The following AP4M1 variants were observed in gnomAD, a reference collection of about 807,000 sequenced individuals.
AP4M1 encodes the protein adaptor related protein complex 4 subunit mu 1.
A neutral mutation model predicts 62.4 loss-of-function variants in AP4M1; 58 were observed. The ratio of observed to expected loss-of-function variants is 0.93; its 90% CI spans 0.75 to 1.16. The LOEUF (loss-of-function observed/expected upper bound fraction) is 1.16, where lower values mean the gene tolerates loss of function less well. AP4M1 is among the 50% of genes most tolerant of loss of function. The pLI is 0.00. For missense variants in AP4M1, 626 were observed against 585.4 expected (o/e 1.07, Z -0.72); for synonymous variants, 290 against 239.7 (o/e 1.21, Z -1.94).
At position 100,101,923 on chromosome 7, in the gene AP4M1, C is replaced by G. The variant is rs776045217; in HGVS notation, c.102C>G (p.Tyr34Ter). Residue 34 changes from tyrosine to a stop codon, truncating the protein, a stop_gained, in exon 2 of 15, where the codon TAC becomes TAG. Coordinates refer to ENST00000359593, the MANE Select transcript of AP4M1 (RefSeq NM_004722.4). LOFTEE classifies it high-confidence loss of function. ...SGGRDVAELF[Y>*]RKLTGLPGDE... ...GCCGGGATGTGGCCGAGCTCTTCTACCGGAAGCTGACGGGACTGCCAGGAG... is the reference window on the plus strand; with the variant it reads ...GCCGGGATGTGGCCGAGCTCTTCTAGCGGAAGCTGACGGGACTGCCAGGAG... 6.2e-7 allele frequency: 1 copy of G among 1,613,122 alleles called. No individual in the cohort carries two copies. The highest frequency in any genetic ancestry group is 8.5e-7 in the Non-Finnish European group (1 of 1,179,968).
intron 13 of AP4M1, 55 bp downstream of exon 13, chr7:100,106,346 T>A (rs1286437989): frequency 1.2e-6 from 2 of 1,612,860 alleles, no homozygotes; most frequent in African/African-American, 2.7e-5. Context: ...GAGCTCAGCA[T>A]GACGGGTCTG....
At chr7:100,105,125 C>T (rs1245019147) in intron 9 of AP4M1, 27 bp downstream of exon 9, 28 of 1,613,836 alleles carry the variant, frequency 1.7e-5, no homozygotes, top group Non-Finnish European at 2.4e-5. Flanking sequence ...TCTTTCTCCC[C>T]TTGGAGTAGG....
chr7:100,106,046 G>T (rs79617997), intron 12 of AP4M1, 43 bp downstream of exon 12: 1 of 1,609,028 alleles, frequency 6.2e-7, no homozygotes, highest in African/African-American at 1.3e-5. Context: ...TCTATGGGAC[G>T]GAAGACAGGG....
In AP4M1 at chr7:100,101,744, C is replaced by T. The variant is rs539589967; in HGVS notation, c.30C>T (p.Ser10=). MISQFFILS[S]KGDPLIYKDF... The stretch of plus-strand genomic sequence containing the variant: ...TTTCCCAATTCTTCATTCTGTCCTC[C>T]AAGGGGGACCCGCTCATCTACAAAG... Residue 10 remains serine (S), a synonymous_variant, in exon 1 of 15, where the codon TCC becomes TCT. Coordinates refer to ENST00000359593, the MANE Select transcript of AP4M1 (RefSeq NM_004722.4). 3.1e-6 allele frequency: 5 copies of T among 1,613,658 alleles called. No individual in the cohort carries two copies. Among genetic ancestry groups the T allele is most frequent in the African/African-American group, 2.7e-5 (2 of 74,930 alleles).
rs760960599 is a variant in AP4M1 at position 100,107,943 on chromosome 7, C to G, written c.*1061C>G. 1 of 1,611,160 alleles carries G rather than the reference C, an allele frequency of 6.2e-7. No individual in the cohort carries two copies. Among genetic ancestry groups the G allele is most frequent in the African/African-American group, 1.3e-5 (1 of 74,860 alleles). ...CTGCATACCTGCTGGGTGGATGGGG[C>G]GCTGGAGGACGATGACATTACAATA... is the stretch of plus-strand genomic sequence containing the variant. On this transcript the variant is annotated 3_prime_UTR_variant, in exon 15 of 15. Transcript: ENST00000359593.
At chr7:100,105,383 A>C in intron 10 of AP4M1, 37 bp downstream of exon 10, 1 of 1,612,362 alleles carries the variant, frequency 6.2e-7, no homozygotes, top group Non-Finnish European at 8.5e-7. Context: ...TCCGTCCACC[A>C]TGGGGAAGGG....
chr7:100,105,038 C>T lies in AP4M1; in HGVS notation c.674-7C>T. On this transcript the variant is annotated splice_polypyrimidine_tract_variant and splice_region_variant and intron_variant, in intron 8 of 14. Coordinates refer to ENST00000359593, the MANE Select transcript of AP4M1 (RefSeq NM_004722.4). ...CTGAGCTCTCCTGATGGTCTCTCCTCCGACAGAGATGCGCATTGGCTTGAC... is the reference window on the plus strand; with the variant it reads ...CTGAGCTCTCCTGATGGTCTCTCCTTCGACAGAGATGCGCATTGGCTTGAC... 1 of 1,614,104 alleles carries T rather than the reference C, an allele frequency of 6.2e-7. No homozygotes were observed. The highest frequency in any genetic ancestry group is 8.5e-7 in the Non-Finnish European group (1 of 1,180,028).
intron 14 of AP4M1, 29 bp downstream of exon 14, chr7:100,106,543 C>T (rs1332195598): frequency 1.9e-6 from 3 of 1,603,534 alleles, no homozygotes; most frequent in Admixed American, 1.7e-5. Flanking sequence ...CAGCCCCTCT[C>T]CTCCCACATT....
rs551239733 is a variant in AP4M1, at chr7:100,106,861, C to A, written c.1341C>A (p.Asp447Glu). ...GGGTGCGACACCTAAGCCACAGCGACGCCTATGTCATTCGGATCTGAGGCT... is the reference window on the plus strand; with the variant it reads ...GGGTGCGACACCTAAGCCACAGCGAAGCCTATGTCATTCGGATCTGAGGCT... ...HKWVRHLSHS[D>E]AYVIRI The change falls in exon 15 of 15, where the codon GAC becomes GAA. Residue 447 changes from aspartate (D) to glutamate (E), a missense_variant. Coordinates refer to ENST00000359593, the MANE Select transcript of AP4M1 (RefSeq NM_004722.4). 1.2e-6 allele frequency: 2 copies of A among 1,613,562 alleles called. No homozygotes were observed. Among genetic ancestry groups the A allele is most frequent in the Non-Finnish European group, 1.7e-6 (2 of 1,180,038 alleles).
intron 14 of AP4M1, 50 bp from the exon 15 acceptor site, chr7:100,106,608 C>T (rs748687900): frequency 9.4e-6 from 15 of 1,589,746 alleles, no homozygotes; most frequent in East Asian, 6.7e-5. Context: ...GTTCCCCCAG[C>T]GTGGTCAGCT....
At position 100,104,157 on chromosome 7, in the gene AP4M1, AAG is replaced by A. The variant is rs1190072127; in HGVS notation, c.606+4_606+5del. 6.2e-7 allele frequency: 1 copy of A among 1,613,568 alleles called. No individual in the cohort carries two copies. Among genetic ancestry groups the A allele is most frequent in the East Asian group, 2.2e-5 (1 of 44,882 alleles). The stretch of plus-strand genomic sequence containing the variant: ...TGTCTGTACTGATAGCATCTAATGT[AAG>A]TTTGAGCTCCCAAACCTGGAGCTGA... On this transcript the variant is annotated splice_donor_5th_base_variant and intron_variant, in intron 7 of 14. Coordinates refer to ENST00000359593, the MANE Select transcript of AP4M1 (RefSeq NM_004722.4).
Position 100,105,989 on chromosome 7 carries a change from C to T in AP4M1, c.960C>T (p.Asp320=), listed in dbSNP as rs371162812. The T allele has an allele frequency of 1.5e-4, 244 of 1,614,126 alleles. 1 individual carries two copies. In the East Asian group the frequency reaches 4.4e-3, roughly 29 times the overall value. The change falls in exon 12 of 15, where the codon GAC becomes GAT. Residue 320 remains aspartate (D), a synonymous_variant. Transcript: ENST00000359593. ...AGGTTTATCTAAAGTTGCGATGTGACCTGCTCTCAAAGAGGTAAGAGTGAG... is the reference window on the plus strand; with the variant it reads ...AGGTTTATCTAAAGTTGCGATGTGATCTGCTCTCAAAGAGGTAAGAGTGAG... ...RLQVYLKLRC[D]LLSKSQALNV... is the part of the protein sequence containing the mutation.
Position 100,108,195 on chromosome 7 carries a change from G to C in AP4M1, c.*1313G>C. On this transcript the variant is annotated 3_prime_UTR_variant, in exon 15 of 15. Coordinates refer to ENST00000359593, the MANE Select transcript of AP4M1 (RefSeq NM_004722.4). ...GAGGAGTCTGAAGGGAGAGGCCTGG[G>C]CTCCCCTCGCTCTTCCTCAGTGGCT... 6.7e-7 allele frequency: 1 copy of C among 1,483,402 alleles called. No homozygotes were observed. The highest frequency in any genetic ancestry group is 1.4e-5 in the African/African-American group (1 of 72,480). The allele number at this position is 1,483,402 out of a possible 1,614,324, so 91.9% of individuals were successfully genotyped here.
In AP4M1 at chr7:100,107,185, T is replaced by C; in HGVS notation, c.*303T>C. ...CTTCCGCTTAGCGAGCATGCATGTG[T>C]GTACGTGCACGTGTGTACATGTCTG... On this transcript the variant is annotated 3_prime_UTR_variant, in exon 15 of 15. Coordinates refer to ENST00000359593, the MANE Select transcript of AP4M1 (RefSeq NM_004722.4). The C allele has an allele frequency of 6.6e-7, 1 of 1,518,932 alleles. No individual in the cohort carries two copies. The highest frequency in any genetic ancestry group is 2.2e-5 in the Admixed American group (1 of 45,386). 94.1% of individuals were successfully genotyped at this position (1,518,932 alleles called of 1,614,324 possible). A position where few individuals can be genotyped will look rare whatever the true frequency, so the allele number is the denominator to read the frequency against.
At chr7:100,100,858 C>T, upstream of AP4M1, 1 of 1,030,500 alleles carries the variant, frequency 9.7e-7, no homozygotes, top group African/African-American at 1.7e-5. Flanking sequence ...GCCTGCCCGC[C>T]CCCGGGGCCT....
In AP4M1 at chr7:100,104,108, T is replaced by G; in HGVS notation, c.560T>G (p.Val187Gly). ...CTTTCTCAGAGCCAAAAGAATGAAG[T>G]TTTTTTGGATGTGGTCGAGAGATTG... ...SRSDQSQKNEVFLDVVERLSV... is the reference protein window; with the variant it reads ...SRSDQSQKNEGFLDVVERLSV... The change falls in exon 7 of 15, where the codon GTT becomes GGT. Residue 187 changes from valine (V) to glycine (G), a missense_variant. Val to Gly is a moderately radical substitution (Grantham distance 109, BLOSUM62 -3). Coordinates refer to ENST00000359593, the MANE Select transcript of AP4M1 (RefSeq NM_004722.4). 6.2e-7 allele frequency: 1 copy of G among 1,613,592 alleles called. No individual in the cohort carries two copies. Among genetic ancestry groups the G allele is most frequent in the East Asian group, 2.2e-5 (1 of 44,852 alleles).
intron 2 of AP4M1, 76 bp from the exon 3 acceptor site, chr7:100,102,599 G>A: frequency 2.3e-6 from 3 of 1,326,572 alleles, no homozygotes; most frequent in South Asian, 1.2e-5. Flanking sequence ...ATCGGGATCC[G>A]AGCTCAGGTC....
At chr7:100,101,231 G>A (rs199801842), upstream of AP4M1, 2 of 1,612,252 alleles carry the variant, frequency 1.2e-6, no homozygotes, top group Admixed American at 1.7e-5. Flanking sequence ...GGCTCCCCGC[G>A]CAGGACGCCC....
rs771558018 is a variant in AP4M1, at chr7:100,107,365, T to G, written c.*483T>G. 2 of 1,575,652 alleles carry G rather than the reference T, an allele frequency of 1.3e-6. No homozygotes were observed. Among genetic ancestry groups the G allele is most frequent in the Non-Finnish European group, 1.7e-6 (2 of 1,157,948 alleles). On this transcript the variant is annotated 3_prime_UTR_variant, in exon 15 of 15. Transcript: ENST00000359593. ...TTCCCCCCACAAAGGGCACTGCCGC[T>G]GAGTGGGGACGGGGACGATGCCGGG...
Sources: gnomAD v4.1 joint callset for allele counts on GRCh38, gnomAD v4.1.1 for gene constraint, MANE v1.5 for transcripts, NCBI Gene and HGNC (gene_info 2026-07-23, HGNC 2026-07-21) for gene names.